The following NELL1 variants were observed in gnomAD, a reference collection of about 807,000 sequenced individuals.
NELL1 encodes the protein neural EGFL like 1.
Under a neutral mutation model 107.4 loss-of-function variants are expected in NELL1, and 76 were observed. The observed-to-expected ratio is 0.71, with a 90% confidence interval of 0.59 to 0.86. The LOEUF (loss-of-function observed/expected upper bound fraction) is 0.86, where lower values mean the gene tolerates loss of function less well. NELL1 is among the 40% of genes least tolerant of loss of function. The probability of loss-of-function intolerance (pLI) is 0.00; values close to 1 mark genes in which losing one functional copy is unlikely to be tolerated. For synonymous variants in NELL1, 353 were observed against 341.2 expected (o/e 1.03, Z -0.38); for missense variants, 1,024 against 1,005.5 (o/e 1.02, Z -0.25).
chr11:20,768,148 T>G (rs1856571588), intron 2 of NELL1, among the ~76,000 whole-genome samples: 1 of 152,236 alleles, frequency 6.6e-6, no homozygotes. Flanking sequence ...CTAAATTCTT[T>G]ATATTCATGA....
intron 3 of NELL1, among the ~76,000 whole-genome samples, chr11:20,846,511 C>CAATGACACATTTCAGAAGAGAGG (rs1848704419): frequency 6.6e-6 from 1 of 152,036 alleles, no homozygotes; most frequent in Non-Finnish European, 1.5e-5. Flanking sequence ...CTGGAGTTGA[C>CAATGACACATTTCAGAAGAGAGG]CATATGAATG....
chr11:20,948,287 A>C (rs1396441913), intron 11 of NELL1, among the ~76,000 whole-genome samples: 1 of 151,948 alleles, frequency 6.6e-6, no homozygotes. Context: ...TCTTGGCCTC[A>C]AGCAATTCTC....
At position 21,497,650 on chromosome 11, in the gene NELL1, C is replaced by A. The variant is rs1473892304; in HGVS notation, c.1646-36724C>A. 1.3e-3 allele frequency among the ~76,000 whole-genome samples: 205 copies of A among 151,922 alleles called. 3 individuals are homozygous for A. Among genetic ancestry groups the A allele is most frequent in the Non-Finnish European group, 2.9e-5 (2 of 67,954 alleles). ...ATACCCCTCAAAGAAAAAAAATATG[C>A]TTGGTTTATAGGTTATAAATATAAA... is the stretch of plus-strand genomic sequence containing the variant. On this transcript the variant is annotated intron_variant, in intron 15 of 19. Coordinates refer to ENST00000357134, the MANE Select transcript of NELL1 (RefSeq NM_006157.5).
At chr11:21,016,670 G>T (rs776407156) in intron 12 of NELL1, among the ~76,000 whole-genome samples, 12 of 152,046 alleles carry the variant, frequency 7.9e-5, no homozygotes, top group Non-Finnish European at 1.3e-4. Context: ...ACTGCCACAT[G>T]TCCTATCCTT....
At chr11:21,395,059 C>G (rs1851952663) in intron 15 of NELL1, among the ~76,000 whole-genome samples, 1 of 151,432 alleles carries the variant, frequency 6.6e-6, no homozygotes, top group South Asian at 2.1e-4. Flanking sequence ...GTAAATTTCA[C>G]AGTTCTATTT....
intron 13 of NELL1, among the ~76,000 whole-genome samples, chr11:21,121,816 G>C (rs2133742953): frequency 6.6e-6 from 1 of 152,208 alleles, no homozygotes; most frequent in African/African-American, 2.4e-5. Context: ...CCTCTAAAGA[G>C]GGATTATAGT....
intron 15 of NELL1, among the ~76,000 whole-genome samples, chr11:21,533,255 A>C (rs914877032): frequency 7.9e-5 from 12 of 152,150 alleles, no homozygotes; most frequent in Non-Finnish European, 1.6e-4. Context: ...GGTGCACAAC[A>C]TGGGACTTGT....
intron 9 of NELL1, among the ~76,000 whole-genome samples, chr11:20,931,442 GT>G (rs1850616164): frequency 6.6e-6 from 1 of 152,124 alleles, no homozygotes; most frequent in African/African-American, 2.4e-5. Context: ...TACTTTGGTT[GT>G]CCCTTTTAAA....
chr11:21,045,219 T>A (rs550425792), intron 12 of NELL1, among the ~76,000 whole-genome samples: 6 of 152,098 alleles, frequency 3.9e-5, no homozygotes, highest in Admixed American at 3.3e-4. Context: ...GCCTAAGAGA[T>A]AGTATTTTGA....
At chr11:20,851,205 A>G (rs906955954) in intron 4 of NELL1, among the ~76,000 whole-genome samples, 4 of 152,170 alleles carry the variant, frequency 2.6e-5, no homozygotes, top group African/African-American at 9.6e-5. Flanking sequence ...TTCGCACATT[A>G]TTTTTTTAGG....
At chr11:21,037,728 A>T (rs990056096) in intron 12 of NELL1, among the ~76,000 whole-genome samples, 37 of 152,152 alleles carry the variant, frequency 2.4e-4, no homozygotes, top group African/African-American at 8.7e-4. Flanking sequence ...CTCTCTTTTC[A>T]GTCCCTCCCT....
At chr11:21,424,415 G>A (rs1418725382) in intron 15 of NELL1, among the ~76,000 whole-genome samples, 1 of 152,074 alleles carries the variant, frequency 6.6e-6, no homozygotes, top group East Asian at 1.9e-4. Flanking sequence ...GAGGTCAGGA[G>A]TTCAAGACCA....
intron 13 of NELL1, among the ~76,000 whole-genome samples, chr11:21,138,226 C>T (rs77076595): frequency 0.01 from 1,564 of 152,232 alleles, 25 homozygotes; most frequent in African/African-American, 0.036. Context: ...TCTTTTCCTT[C>T]CTAGGGCATT....
At chr11:21,173,660 G>A (rs886324756) in intron 13 of NELL1, among the ~76,000 whole-genome samples, 1 of 151,816 alleles carries the variant, frequency 6.6e-6, no homozygotes, top group Non-Finnish European at 1.5e-5. Context: ...ATGAACAGAT[G>A]GGGACAGTGC....
chr11:21,120,849 T>C (rs1052316388), intron 13 of NELL1, among the ~76,000 whole-genome samples: 4 of 152,170 alleles, frequency 2.6e-5, no homozygotes, highest in African/African-American at 9.7e-5. Flanking sequence ...ATCTGTTGTT[T>C]TCATTTGTAT....
intron 14 of NELL1, among the ~76,000 whole-genome samples, chr11:21,347,905 G>T (rs1164675409): frequency 6.6e-6 from 1 of 152,064 alleles, no homozygotes; most frequent in South Asian, 2.1e-4. Flanking sequence ...CCAGAAAAGG[G>T]GCGCATGTCT....
intron 5 of NELL1, among the ~76,000 whole-genome samples, chr11:20,916,989 C>G (rs145783663): frequency 6.6e-6 from 1 of 152,000 alleles, no homozygotes; most frequent in Non-Finnish European, 1.5e-5. Flanking sequence ...GACTTCTAAT[C>G]CATGCTTGTC....
chr11:20,833,951 C>G (rs549089484), intron 3 of NELL1, among the ~76,000 whole-genome samples: 2 of 152,224 alleles, frequency 1.3e-5, no homozygotes, highest in Non-Finnish European at 2.9e-5. Context: ...AAGCGCATGC[C>G]TAAGACTTCT....
At chr11:21,019,124 G>A (rs1423163907) in intron 12 of NELL1, among the ~76,000 whole-genome samples, 5 of 152,038 alleles carry the variant, frequency 3.3e-5, no homozygotes, top group Admixed American at 6.6e-5. Context: ...TTGTGATTTT[G>A]GACAAATACT....
Sources: gnomAD v4.1 joint callset for allele counts (sites outside exome capture counted in the v4.1 genomes callset) on GRCh38, gnomAD v4.1.1 for gene constraint, MANE v1.5 for transcripts, NCBI Gene and HGNC (gene_info 2026-07-23, HGNC 2026-07-21) for gene names.